Variants in ZFYVE9 observed in about 807,000 individuals in gnomAD.
ZFYVE9 encodes the protein zinc finger FYVE domain-containing protein 9.
ZFYVE9 carries 43 observed loss-of-function variants against 126.7 expected under a neutral mutation model. That is an observed-to-expected ratio of 0.34 (90% CI 0.27 to 0.44). The LOEUF (loss-of-function observed/expected upper bound fraction) is 0.44. ZFYVE9 is among the 20% of genes least tolerant of loss of function. The pLI, the probability that ZFYVE9 is intolerant of heterozygous loss-of-function variation, is 1.00. For missense variants in ZFYVE9, 1,476 were observed against 1,697.0 expected, an observed-to-expected ratio of 0.87 and a Z score of 2.29; for synonymous variants, 521 against 597.4, an observed-to-expected ratio of 0.87 and a Z score of 1.87.
chr1:52,274,377 C>A, intron 7 of ZFYVE9, 87 bp from the exon 8 acceptor site: 1 of 1,422,686 alleles, frequency 7.0e-7, no homozygotes, highest in Non-Finnish European at 9.4e-7. Flanking sequence ...CAGATTTTCA[C>A]TTAAGTTCCC....
Position 52,217,302 on chromosome 1 carries a change from C to T in ZFYVE9, c.-37+828C>T, listed in dbSNP as rs182913322. 9.0e-4 allele frequency among the ~76,000 whole-genome samples: 136 copies of T among 151,250 alleles called. 1 individual carries two copies. The Middle Eastern group carries it at 0.024, about 26-fold the overall frequency. On this transcript the variant is annotated intron_variant, in intron 2 of 18. Coordinates refer to ENST00000287727, the MANE Select transcript of ZFYVE9 (RefSeq NM_004799.4). The stretch of plus-strand genomic sequence containing the variant: ...GGTAAATGTGAGATTTGTGAAGGGG[C>T]GGGGTGGGTAAAGAAGAAATGGTTA...
At chr1:52,288,850 C>T (rs1000605384) in intron 10 of ZFYVE9, among the ~76,000 whole-genome samples, 21 of 142,570 alleles carry the variant, frequency 1.5e-4, no homozygotes, top group Admixed American at 2.9e-4. Flanking sequence ...CAATTGAACC[C>T]GGGAGGCGGA....
chr1:52,274,542 G>T lies in ZFYVE9; in HGVS notation c.2704G>T (p.Asp902Tyr). ...AAGTGCAATGAATCTTATTCCTGAAGATGGCCTTCCTCCCATTCTCATCTC... is the reference window on the plus strand; with the variant it reads ...AAGTGCAATGAATCTTATTCCTGAATATGGCCTTCCTCCCATTCTCATCTC... ...VGSAMNLIPE[D>Y]GLPPILISTG... The change falls in exon 8 of 19, where the codon GAT (aspartate) becomes TAT (tyrosine). Residue 902 changes from aspartate to tyrosine, a missense_variant. Asp to Tyr is a radical substitution (Grantham distance 160). Transcript: ENST00000287727. 1 of 1,612,832 alleles carries T rather than the reference G, an allele frequency of 6.2e-7. No homozygotes were observed. Among genetic ancestry groups the T allele is most frequent in the Non-Finnish European group, 8.5e-7 (1 of 1,179,234 alleles).
chr1:52,307,276 C>T (rs572741810), intron 13 of ZFYVE9, among the ~76,000 whole-genome samples: 9 of 152,062 alleles, frequency 5.9e-5, no homozygotes, highest in Non-Finnish European at 1.3e-4. Flanking sequence ...TGCTCTGTCA[C>T]CCAGGCTGGA....
chr1:52,244,949 T>C (rs1645369458), intron 4 of ZFYVE9, among the ~76,000 whole-genome samples: 1 of 152,028 alleles, frequency 6.6e-6, no homozygotes, highest in Non-Finnish European at 1.5e-5. Flanking sequence ...CTTGAGATCA[T>C]GAGTTCGAGA....
intron 1 of ZFYVE9, among the ~76,000 whole-genome samples, chr1:52,154,766 A>C (rs1644386365): frequency 6.6e-6 from 1 of 152,122 alleles, no homozygotes; most frequent in Non-Finnish European, 1.5e-5. Flanking sequence ...GCACGACTCA[A>C]AGCTCTGTCT....
At chr1:52,169,155 C>G (rs1357336521) in intron 1 of ZFYVE9, among the ~76,000 whole-genome samples, 1 of 152,122 alleles carries the variant, frequency 6.6e-6, no homozygotes, top group Non-Finnish European at 1.5e-5. Context: ...AATCCTAGCA[C>G]TTTGGGAGGC....
intron 1 of ZFYVE9, among the ~76,000 whole-genome samples, chr1:52,206,318 T>C (rs539142268): frequency 5.3e-4 from 81 of 152,288 alleles, no homozygotes; most frequent in African/African-American, 1.9e-3. Flanking sequence ...TTTTATCTTG[T>C]GATGAAAGTA....
chr1:52,172,676 T>C (rs1572072616), intron 1 of ZFYVE9, among the ~76,000 whole-genome samples: 1 of 152,102 alleles, frequency 6.6e-6, no homozygotes, highest in Non-Finnish European at 1.5e-5. Context: ...TTTTATTTCA[T>C]TGAGCAGTGG....
intron 4 of ZFYVE9, among the ~76,000 whole-genome samples, chr1:52,262,996 A>G (rs1212220434): frequency 6.6e-6 from 1 of 151,590 alleles, no homozygotes; most frequent in African/African-American, 2.4e-5. Flanking sequence ...GAATCACTTG[A>G]ACCCAGGAGG....
chr1:52,345,077 C>A, intron 18 of ZFYVE9, 133 bp downstream of exon 18: 1 of 965,488 alleles, frequency 1.0e-6, no homozygotes, highest in Non-Finnish European at 1.5e-6. Flanking sequence ...GTGTTTTTGG[C>A]CCTCTCTTTA....
intron 17 of ZFYVE9, 108 bp from the exon 18 acceptor site, chr1:52,344,660 T>C (rs1646468231): frequency 2.5e-6 from 3 of 1,212,606 alleles, no homozygotes; most frequent in Non-Finnish European, 3.5e-6. Context: ...GTTCCTGTCA[T>C]GTCTTCTTGC....
intron 1 of ZFYVE9, among the ~76,000 whole-genome samples, chr1:52,177,816 G>A (rs1269867274): frequency 6.6e-6 from 1 of 152,144 alleles, no homozygotes; most frequent in Non-Finnish European, 1.5e-5. Flanking sequence ...CTATCTAATT[G>A]GGGAACTGCA....
chr1:52,219,749 TTGTGTG>T (rs56340178), intron 2 of ZFYVE9, among the ~76,000 whole-genome samples: 7,806 of 113,242 alleles, frequency 0.069, 278 homozygotes, highest in East Asian at 0.13. Flanking sequence ...CCAAGATCTT[TTGTGTG>T]TGTGTGTGTG....
chr1:52,323,188 GGCATGCTACCTTACTGCCCTCC>G (rs1226207101), intron 13 of ZFYVE9, among the ~76,000 whole-genome samples: 2 of 152,062 alleles, frequency 1.3e-5, no homozygotes, highest in Admixed American at 1.3e-4. Context: ...GAAATTCCAG[GGCATGCTACCTTACTGCCCTCC>G]AGGGCCTTGC....
intron 2 of ZFYVE9, 147 bp from the exon 3 acceptor site, chr1:52,233,024 A>T (rs1361658016): frequency 3.6e-6 from 1 of 277,990 alleles, no homozygotes; most frequent in East Asian, 6.2e-5. Context: ...TAGCTTAAAG[A>T]TCTTATAATA....
At chr1:52,193,211 A>C (rs1463135646) in intron 1 of ZFYVE9, among the ~76,000 whole-genome samples, 1 of 151,804 alleles carries the variant, frequency 6.6e-6, no homozygotes, top group African/African-American at 2.4e-5. Flanking sequence ...TAAAGCCTGC[A>C]CTCTTCATCA....
intron 14 of ZFYVE9, 129 bp from the exon 15 acceptor site, chr1:52,334,559 T>C (rs895290637): frequency 1.2e-6 from 1 of 850,292 alleles, no homozygotes; most frequent in Non-Finnish European, 1.8e-6. Context: ...TTGTGGAATA[T>C]AGATTTGATT....
chr1:52,327,971 C>T (rs943911298), intron 13 of ZFYVE9, among the ~76,000 whole-genome samples: 8 of 149,476 alleles, frequency 5.4e-5, no homozygotes, highest in Non-Finnish European at 4.4e-5. Context: ...AAGACTCTGT[C>T]TCAAAAAGAA....
Sources: allele counts gnomAD v4.1 joint callset (sites outside exome capture counted in the v4.1 genomes callset), GRCh38; gene constraint gnomAD v4.1.1; transcripts MANE v1.5; gene names NCBI Gene and HGNC (gene_info 2026-07-23, HGNC 2026-07-21).